The following GCLC variants were observed in gnomAD, a reference collection of about 807,000 sequenced individuals.
GCLC encodes glutamate-cysteine ligase catalytic subunit.
In GCLC, 30 loss-of-function variants were observed where a neutral mutation model predicts 81.5. That is an observed-to-expected ratio of 0.37 (90% CI 0.28 to 0.50). The LOEUF is 0.50. Among genes scored for constraint, GCLC ranks in the 20% least tolerant of loss-of-function variants. The probability of loss-of-function intolerance (pLI) is 0.96; values close to 1 mark genes in which losing one functional copy is unlikely to be tolerated. For synonymous variants in GCLC, 262 were observed against 273.3 expected, an observed-to-expected ratio of 0.96 and a Z score of 0.41; for missense variants, 556 against 777.4, an observed-to-expected ratio of 0.72 and a Z score of 3.39.
At chr6:53,534,184 T>C (rs1186516881) in intron 1 of GCLC, among the ~76,000 whole-genome samples, 2 of 152,226 alleles carry the variant, frequency 1.3e-5, no homozygotes, top group African/African-American at 2.4e-5. Context: ...ATAAAATGTA[T>C]GTCGACTTTG....
chr6:53,498,685 ACAC>A lies in GCLC; in HGVS notation c.*68_*70del. ...CTATCATTTGGTCTTCATATTATAC[ACAC>A]GGGCTGGCTGAGAGGCATGGTACTG... On this transcript the variant is annotated 3_prime_UTR_variant, in exon 16 of 16. Coordinates refer to ENST00000650454, the MANE Select transcript of GCLC (RefSeq NM_001498.4). The A allele has an allele frequency of 1.1e-6, 1 of 901,316 alleles. No homozygotes were observed. The highest frequency in any genetic ancestry group is 1.8e-6 in the Non-Finnish European group (1 of 562,678). 55.8% of individuals were successfully genotyped at this position (901,316 alleles called of 1,614,324 possible). A position where few individuals can be genotyped will look rare whatever the true frequency, so the allele number is the denominator to read the frequency against.
At position 53,508,600 on chromosome 6, in the gene GCLC, G is replaced by T; in HGVS notation, c.940C>A (p.Leu314Met). ...VDDRTREERG[L>M]EPLKNNNYRI... is the part of the protein sequence containing the mutation. ...TAAGGAAAAACAATTCCCACCTCCA[G>T]TCCTCGCTCCTCCCGAGTTCTATCA... The change falls in exon 8 of 16, where the codon CTG becomes ATG. Residue 314 changes from leucine (L) to methionine (M), a missense_variant. Leu to Met is a conservative substitution (Grantham distance 15, BLOSUM62 2). Transcript: ENST00000650454. 6.3e-7 allele frequency: 1 copy of T among 1,591,784 alleles called. No individual in the cohort carries two copies. The highest frequency in any genetic ancestry group is 8.6e-7 in the Non-Finnish European group (1 of 1,159,698).
chr6:53,499,071 C>T, intron 15 of GCLC, 104 bp from the exon 16 acceptor site: 1 of 768,894 alleles, frequency 1.3e-6, no homozygotes, highest in Non-Finnish European at 2.3e-6. Context: ...GGAGAGAAAT[C>T]AATATGTCCT....
intron 3 of GCLC, among the ~76,000 whole-genome samples, chr6:53,517,085 T>A (rs76514653): frequency 1.4e-3 from 193 of 136,942 alleles, no homozygotes; most frequent in African/African-American, 4.4e-3. Context: ...AAAAATTTTT[T>A]TTTTTTTTTT....
intron 6 of GCLC, among the ~76,000 whole-genome samples, chr6:53,512,331 C>A: frequency 6.6e-6 from 1 of 151,940 alleles, no homozygotes; most frequent in Non-Finnish European, 1.5e-5. Flanking sequence ...TTGCTTTATA[C>A]AGTAAGTCTT....
intron 1 of GCLC, among the ~76,000 whole-genome samples, chr6:53,541,904 G>A (rs1033505165): frequency 6.6e-6 from 1 of 152,144 alleles, no homozygotes; most frequent in Non-Finnish European, 1.5e-5. Flanking sequence ...GGGTCTCACT[G>A]TCACCCAGAC....
At chr6:53,537,125 C>T (rs1763269524) in intron 1 of GCLC, among the ~76,000 whole-genome samples, 2 of 152,092 alleles carry the variant, frequency 1.3e-5, no homozygotes, top group Non-Finnish European at 1.5e-5. Context: ...TCCTTTCTCC[C>T]CTTCATCTAA....
chr6:53,533,848 G>A (rs566155164), intron 1 of GCLC, among the ~76,000 whole-genome samples: 152 of 150,126 alleles, frequency 1.0e-3, no homozygotes, highest in Non-Finnish European at 2.0e-3. Context: ...AGGCTGGAGT[G>A]CAATGGCGCA....
At chr6:53,531,393 G>T (rs889349020) in intron 1 of GCLC, among the ~76,000 whole-genome samples, 1 of 152,170 alleles carries the variant, frequency 6.6e-6, no homozygotes, top group Admixed American at 6.5e-5. Context: ...GAAAGCTACT[G>T]GCATGGAATG....
chr6:53,509,162 T>C lies in GCLC; in HGVS notation c.828+14A>G. On this transcript the variant is annotated intron_variant, in intron 7 of 15. Coordinates refer to ENST00000650454, the MANE Select transcript of GCLC (RefSeq NM_001498.4). The stretch of plus-strand genomic sequence containing the variant: ...ACGAAGTAGTATTTAAAATAAGAGG[T>C]AATTTCTACTTACAACAATTGGACA... 1 of 1,437,278 alleles carries C rather than the reference T, an allele frequency of 7.0e-7. No individual in the cohort carries two copies. Among genetic ancestry groups the C allele is most frequent in the Non-Finnish European group, 9.8e-7 (1 of 1,018,540 alleles). 89.0% of individuals were successfully genotyped at this position (1,437,278 alleles called of 1,614,324 possible).
intron 1 of GCLC, among the ~76,000 whole-genome samples, chr6:53,524,852 TTA>T (rs1373912146): frequency 6.6e-6 from 1 of 152,236 alleles, no homozygotes; most frequent in Non-Finnish European, 1.5e-5. Flanking sequence ...ATTGAAATCC[TTA>T]GTTTTCAAAT....
intron 1 of GCLC, among the ~76,000 whole-genome samples, chr6:53,527,963 T>TAA (rs1763112314): frequency 1.3e-5 from 2 of 152,218 alleles, no homozygotes; most frequent in African/African-American, 4.8e-5. Context: ...CTCTAGGTTA[T>TAA]AAACTGTTTT....
chr6:53,509,190 T>C lies in GCLC; in HGVS notation c.814A>G (p.Ile272Val), dbSNP rs1185317257. The part of the protein sequence containing the change: ...ARYLYDQLAT[I>V]CPIVMALSAA... ...TTTCTACTTACAACAATTGGACAGA[T>C]AGTAGCCAACTGATCATAAAGGTAT... Residue 272 changes from isoleucine (I) to valine (V), a missense_variant, in exon 7 of 16, where the codon ATC becomes GTC. Physicochemically the swap from Ile to Val is conservative, Grantham distance 29. Coordinates refer to ENST00000650454, the MANE Select transcript of GCLC (RefSeq NM_001498.4). The C allele has an allele frequency of 1.9e-6, 3 of 1,588,776 alleles. No homozygotes were observed. The highest frequency in any genetic ancestry group is 1.1e-5 in the South Asian group (1 of 90,608).
chr6:53,532,323 A>C (rs1355733847), intron 1 of GCLC, among the ~76,000 whole-genome samples: 1 of 152,252 alleles, frequency 6.6e-6, no homozygotes, highest in Non-Finnish European at 1.5e-5. Flanking sequence ...AATTTCTTGC[A>C]GTACATCCTG....
chr6:53,524,333 G>A (rs116194667), intron 1 of GCLC, among the ~76,000 whole-genome samples: 2,054 of 152,308 alleles, frequency 0.013, 22 homozygotes, highest in Middle Eastern at 0.02. Flanking sequence ...GCTGTAGAGG[G>A]TGCCAATCTT....
At chr6:53,510,461 A>C (rs1300771836) in intron 6 of GCLC, 1 of 103,460 alleles carries the variant, frequency 9.7e-6, no homozygotes, top group African/African-American at 4.7e-5. Flanking sequence ...AAAAAAAAAA[A>C]CCTGCTTTTT....
intron 3 of GCLC, among the ~76,000 whole-genome samples, chr6:53,518,443 G>A (rs1004916084): frequency 6.6e-6 from 1 of 152,076 alleles, no homozygotes; most frequent in Non-Finnish European, 1.5e-5. Flanking sequence ...TAAAGACGGG[G>A]TTTCACCATG....
intron 1 of GCLC, among the ~76,000 whole-genome samples, chr6:53,536,565 C>T (rs756336198): frequency 6.6e-6 from 1 of 152,080 alleles, no homozygotes; most frequent in Non-Finnish European, 1.5e-5. Context: ...TCCAGTAATA[C>T]CAGCAATATC....
chr6:53,542,165 A>T (rs1420943869), intron 1 of GCLC, among the ~76,000 whole-genome samples: 1 of 152,192 alleles, frequency 6.6e-6, no homozygotes, highest in African/African-American at 2.4e-5. Context: ...TTAGAGTCTT[A>T]ATACAATACC....
Sources: allele counts gnomAD v4.1 joint callset (sites outside exome capture counted in the v4.1 genomes callset), GRCh38; gene constraint gnomAD v4.1.1; transcripts MANE v1.5; gene names NCBI Gene and HGNC (gene_info 2026-07-23, HGNC 2026-07-21).